Variants in CNBD1 observed in about 807,000 individuals in gnomAD.
The protein encoded by CNBD1 is cyclic nucleotide-binding domain-containing protein 1.
A neutral mutation model predicts 54.4 loss-of-function variants in CNBD1; 71 were observed. That is an observed-to-expected ratio of 1.30 (90% CI 1.08 to 1.59). The LOEUF is 1.59. Ranked by LOEUF, CNBD1 falls within the 40% of genes most tolerant of loss-of-function variation. CNBD1 has a pLI of 0.00. For synonymous variants in CNBD1, 182 were observed against 170.7 expected (o/e 1.07, Z -0.51); for missense variants, 659 against 518.0 (o/e 1.27, Z -2.64).
At chr8:87,347,022 T>C (rs991673691) in intron 8 of CNBD1, among the ~76,000 whole-genome samples, 6 of 152,182 alleles carry the variant, frequency 3.9e-5, no homozygotes, top group African/African-American at 9.6e-5. Context: ...GTGGGCTTTT[T>C]CCACTTCACC....
At chr8:87,289,072 A>G (rs1242649524) in intron 8 of CNBD1, among the ~76,000 whole-genome samples, 3 of 152,104 alleles carry the variant, frequency 2.0e-5, no homozygotes, top group Non-Finnish European at 4.4e-5. Context: ...AATGTAGAGA[A>G]TGTAGCTCAA....
intron 4 of CNBD1, among the ~76,000 whole-genome samples, chr8:87,059,316 C>A (rs987823607): frequency 2.0e-5 from 3 of 152,152 alleles, no homozygotes; most frequent in Non-Finnish European, 4.4e-5. Context: ...TCTTCTGAGC[C>A]CTCTAAACTA....
rs77800508 is a variant in CNBD1 at position 86,989,136 on chromosome 8, G to A, written c.431+49382G>A. 5.5e-3 allele frequency among the ~76,000 whole-genome samples: 839 copies of A among 152,102 alleles called. 8 individuals carry two copies. The highest frequency in any genetic ancestry group is 0.019 in the African/African-American group (786 of 41,496). The stretch of plus-strand genomic sequence containing the variant: ...ACATTAAAAAAATCAGCCAGGCATG[G>A]TGACGTGTGCCTGTAGTGCCAACTA... On this transcript the variant is annotated intron_variant, in intron 4 of 10. Coordinates refer to ENST00000518476, the MANE Select transcript of CNBD1 (RefSeq NM_173538.3).
At chr8:87,303,095 C>A (rs1337706287) in intron 8 of CNBD1, among the ~76,000 whole-genome samples, 1 of 152,030 alleles carries the variant, frequency 6.6e-6, no homozygotes, top group Admixed American at 6.6e-5. Context: ...CTATCCCCAT[C>A]AAGCTACCAA....
intron 2 of CNBD1, among the ~76,000 whole-genome samples, chr8:87,418,670 A>T (rs1177516698): frequency 6.6e-6 from 1 of 151,992 alleles, no homozygotes; most frequent in Admixed American, 6.6e-5. Context: ...ACAATAAAAC[A>T]AAAATACCTT....
At chr8:87,084,212 T>C (rs1316476517) in intron 4 of CNBD1, among the ~76,000 whole-genome samples, 1 of 152,238 alleles carries the variant, frequency 6.6e-6, no homozygotes, top group Non-Finnish European at 1.5e-5. Flanking sequence ...AACAGTAGTG[T>C]CTTATAAAGA....
chr8:86,962,615 C>A (rs1007782996), intron 4 of CNBD1, among the ~76,000 whole-genome samples: 3 of 152,034 alleles, frequency 2.0e-5, no homozygotes, highest in Admixed American at 6.5e-5. Flanking sequence ...GAAACACCGT[C>A]TCTACTAAAA....
chr8:87,065,297 T>C (rs1451540468), intron 4 of CNBD1, among the ~76,000 whole-genome samples: 3 of 152,004 alleles, frequency 2.0e-5, no homozygotes, highest in Non-Finnish European at 2.9e-5. Context: ...AATGTCTTTC[T>C]TCTCTTGGGC....
chr8:86,958,585 G>A (rs1197557897), intron 4 of CNBD1, among the ~76,000 whole-genome samples: 1 of 152,046 alleles, frequency 6.6e-6, no homozygotes, highest in Non-Finnish European at 1.5e-5. Flanking sequence ...TTAGGTAACG[G>A]CCTTCTTTGT....
intron 8 of CNBD1, among the ~76,000 whole-genome samples, chr8:87,321,615 C>A (rs1809534752): frequency 6.6e-6 from 1 of 151,956 alleles, no homozygotes; most frequent in African/African-American, 2.4e-5. Flanking sequence ...ATATAGTCTG[C>A]AAATATTTTC....
At chr8:87,345,064 A>C (rs1046904072) in intron 8 of CNBD1, among the ~76,000 whole-genome samples, 3 of 152,166 alleles carry the variant, frequency 2.0e-5, no homozygotes, top group African/African-American at 7.2e-5. Flanking sequence ...ATTAAGTTAG[A>C]GTATCTCTTT....
At chr8:87,248,000 G>T (rs1455941417) in intron 6 of CNBD1, among the ~76,000 whole-genome samples, 1 of 152,142 alleles carries the variant, frequency 6.6e-6, no homozygotes, top group African/African-American at 2.4e-5. Flanking sequence ...CTTCATCCAT[G>T]CATACTTACA....
At chr8:86,986,164 G>A (rs117048522) in intron 4 of CNBD1, among the ~76,000 whole-genome samples, 2,894 of 152,058 alleles carry the variant, frequency 0.019, 94 homozygotes, top group African/African-American at 0.059. Context: ...TCCTGACTTC[G>A]TGATCTGCCT....
At position 87,007,151 on chromosome 8, in the gene CNBD1, C is replaced by A. The variant is rs138180854; in HGVS notation, c.431+67397C>A. On this transcript the variant is annotated intron_variant, in intron 4 of 10. Coordinates refer to ENST00000518476, the MANE Select transcript of CNBD1 (RefSeq NM_173538.3). ...GGCGGAGGTTGCAGTGAACCAAGAT[C>A]ACGCCATTGCATTCCAGCCTGGGTG... 1.4e-3 allele frequency among the ~76,000 whole-genome samples: 216 copies of A among 151,364 alleles called. 2 individuals carry two copies. In the East Asian group the frequency reaches 0.037, roughly 26 times the overall value.
intron 4 of CNBD1, among the ~76,000 whole-genome samples, chr8:87,093,134 A>G (rs1811250889): frequency 6.6e-6 from 1 of 152,184 alleles, no homozygotes; most frequent in Admixed American, 6.5e-5. Flanking sequence ...ACTCTTGGCA[A>G]CTTATTTACT....
intron 8 of CNBD1, among the ~76,000 whole-genome samples, chr8:87,286,945 G>A (rs1808711288): frequency 6.6e-6 from 1 of 152,054 alleles, no homozygotes; most frequent in African/African-American, 2.4e-5. Context: ...CACCCTGACA[G>A]TTACTATAAG....
chr8:87,221,256 T>G (rs1293525201), intron 5 of CNBD1, among the ~76,000 whole-genome samples: 2 of 152,244 alleles, frequency 1.3e-5, no homozygotes, highest in Middle Eastern at 3.4e-3. Flanking sequence ...AATTGAACAT[T>G]GTGTAATTGG....
At chr8:87,277,216 G>A (rs1356830621) in intron 6 of CNBD1, among the ~76,000 whole-genome samples, 1 of 151,718 alleles carries the variant, frequency 6.6e-6, no homozygotes, top group South Asian at 2.1e-4. Context: ...AACTGCTATA[G>A]AGCCAGAAAG....
At chr8:86,988,640 A>G (rs913304430) in intron 4 of CNBD1, among the ~76,000 whole-genome samples, 5 of 152,102 alleles carry the variant, frequency 3.3e-5, no homozygotes, top group Admixed American at 1.3e-4. Flanking sequence ...ATTCTATCTA[A>G]CTATATTTTC....
Sources: gnomAD v4.1 joint callset for allele counts (sites outside exome capture counted in the v4.1 genomes callset) on GRCh38, gnomAD v4.1.1 for gene constraint, MANE v1.5 for transcripts, NCBI Gene and HGNC (gene_info 2026-07-23, HGNC 2026-07-21) for gene names.